FRMPD1: variants seen among roughly 807,000 people sequenced by gnomAD.
FRMPD1 encodes FERM and PDZ domain containing 1.
In FRMPD1, 76 loss-of-function variants were observed where a neutral mutation model predicts 117.8. That is an observed-to-expected ratio of 0.65 (90% confidence interval 0.54 to 0.78). The LOEUF (loss-of-function observed/expected upper bound fraction) is 0.78, where lower values mean the gene tolerates loss of function less well. Ranked by LOEUF, FRMPD1 falls within the 30% of genes least tolerant of loss-of-function variation. The probability of loss-of-function intolerance (pLI) is 0.00; values close to 1 mark genes in which losing one functional copy is unlikely to be tolerated. For missense variants in FRMPD1, 1,786 were observed against 1,964.5 expected (o/e 0.91, Z 1.72); for synonymous variants, 783 against 770.4 (o/e 1.02, Z -0.27).
intron 2 of FRMPD1, among the ~76,000 whole-genome samples, chr9:37,700,511 C>T (rs1323295520): frequency 6.6e-6 from 1 of 152,214 alleles, no homozygotes; most frequent in African/African-American, 2.4e-5. Flanking sequence ...CCACATCCTG[C>T]TGGAACTCGG....
At chr9:37,612,925 G>T in the FRMPD1 span, among the ~76,000 whole-genome samples, 1 of 152,200 alleles carries the variant, frequency 6.6e-6, no homozygotes, top group South Asian at 2.1e-4. Flanking sequence ...TGTCCTTCAT[G>T]GGTCCAGAGG....
rs80324956 is a variant in FRMPD1, at chr9:37,682,581, C to G, written c.-4-10057C>G. Among the ~76,000 whole-genome samples, 1,381 of 152,334 alleles carry G rather than the reference C, an allele frequency of 9.1e-3. 21 individuals are homozygous for G. Among genetic ancestry groups the G allele is most frequent in the African/African-American group, 0.031 (1,275 of 41,566 alleles). ...GGAAGGAAACCAGGTCTCCTAATAT[C>G]TAGTTCAGTGCTCTTTTCAGCATTC... On this transcript the variant is annotated intron_variant, in intron 1 of 15. Coordinates refer to ENST00000377765, the MANE Select transcript of FRMPD1 (RefSeq NM_014907.3).
chr9:37,724,174 CA>C, intron 6 of FRMPD1, 50 bp from the exon 7 acceptor site: 1 of 941,898 alleles, frequency 1.1e-6, no homozygotes. Flanking sequence ...ACCCTGTCTC[CA>C]GAAGGAATAA....
intron 4 of FRMPD1, 123 bp from the exon 5 acceptor site, chr9:37,711,227 T>G (rs1822897499): frequency 1.4e-6 from 1 of 691,158 alleles, no homozygotes; most frequent in East Asian, 2.6e-5. Context: ...CAAAGGAGGC[T>G]GCTTTATACT....
rs1824576175 is a variant in FRMPD1 at position 37,744,398 on chromosome 9, A to G, written c.2366A>G (p.Asp789Gly). 1.3e-6 allele frequency: 2 copies of G among 1,589,466 alleles called. No individual in the cohort carries two copies. Among genetic ancestry groups the G allele is most frequent in the Non-Finnish European group, 1.7e-6 (2 of 1,167,800 alleles). ...CTTTCCTGACTCCCAGGGCCCAGAG[A>G]TGTTTCTACTGCAGAACCCAGTGCC... Reference protein sequence around the residue: ...TPPGPPSGPRDVSTAEPSATS... With the variant: ...TPPGPPSGPRGVSTAEPSATS... The change falls in exon 16 of 16, where the codon GAT becomes GGT. Residue 789 changes from aspartate (D) to glycine (G), a missense_variant. Physicochemically the swap from Asp to Gly is moderately conservative, Grantham distance 94. Coordinates refer to ENST00000377765, the MANE Select transcript of FRMPD1 (RefSeq NM_014907.3).
intron 6 of FRMPD1, 141 bp downstream of exon 6, chr9:37,719,317 C>A: frequency 1.6e-6 from 1 of 635,956 alleles, no homozygotes; most frequent in Non-Finnish European, 2.9e-6. Flanking sequence ...GTGCGCCCTC[C>A]CAGTCAGATG....
At position 37,729,701 on chromosome 9, in the gene FRMPD1, A is replaced by G. The variant is rs1396796704; in HGVS notation, c.613-27A>G. 6.8e-6 allele frequency: 11 copies of G among 1,610,810 alleles called. No individual in the cohort carries two copies. The East Asian group carries it at 2.5e-4, about 36-fold the overall frequency. On this transcript the variant is annotated intron_variant, in intron 7 of 15. Transcript: ENST00000377765. Reference sequence around the variant, plus strand: ...GGAAGTCCTTCCTGTTTCTTGCGTAACTCCTGCACCTCTCTGTGCCTGCTA... The same window carrying G: ...GGAAGTCCTTCCTGTTTCTTGCGTAGCTCCTGCACCTCTCTGTGCCTGCTA...
intron 7 of FRMPD1, among the ~76,000 whole-genome samples, chr9:37,727,735 GCTC>G (rs72316396): frequency 0.18 from 27,272 of 148,594 alleles, 3,201 homozygotes; most frequent in Non-Finnish European, 0.26. Context: ...TGGAGAGAGG[GCTC>G]CGAATCAGGA....
In FRMPD1 at chr9:37,733,497, T is replaced by C. The variant is rs1258626863; in HGVS notation, c.1020T>C (p.Phe340=). Residue 340 remains phenylalanine, a synonymous_variant, in exon 11 of 16, where the codon TTT becomes TTC. Coordinates refer to ENST00000377765, the MANE Select transcript of FRMPD1 (RefSeq NM_014907.3). The part of the protein sequence containing the change: ...YIEKDWGIEN[F]ISPTLLRNMK... ...GGAAAGACTGGGGAATAGAGAACTT[T>C]ATATCTCCAACTTTACTCCGAAACA... 1.2e-6 allele frequency: 2 copies of C among 1,613,872 alleles called. No homozygotes were observed. Among genetic ancestry groups the C allele is most frequent in the Admixed American group, 1.7e-5 (1 of 59,998 alleles).
At chr9:37,641,701 G>A in the FRMPD1 span, among the ~76,000 whole-genome samples, 1,762 of 152,272 alleles carry the variant, frequency 0.012, 34 homozygotes, top group African/African-American at 0.04. Flanking sequence ...CCGAAGATAG[G>A]AGAGGAACCT....
chr9:37,710,974 A>T (rs1280573044), intron 4 of FRMPD1, among the ~76,000 whole-genome samples: 2 of 152,028 alleles, frequency 1.3e-5, no homozygotes, highest in East Asian at 3.9e-4. Context: ...AAAAAAAAAA[A>T]AAAAAATTGG....
chr9:37,642,860 G>A, the FRMPD1 span, among the ~76,000 whole-genome samples: 2 of 151,976 alleles, frequency 1.3e-5, no homozygotes, highest in Admixed American at 6.6e-5. Flanking sequence ...TTCTGCACAG[G>A]GGAAAGTCTT....
At chr9:37,732,862 A>G (rs981469922) in intron 10 of FRMPD1, among the ~76,000 whole-genome samples, 5 of 152,202 alleles carry the variant, frequency 3.3e-5, no homozygotes, top group African/African-American at 1.2e-4. Context: ...TTCTTAGCTT[A>G]GAATTGTTCT....
chr9:37,731,516 G>A (rs1823878432), intron 9 of FRMPD1, among the ~76,000 whole-genome samples: 1 of 152,112 alleles, frequency 6.6e-6, no homozygotes, highest in Admixed American at 6.6e-5. Context: ...CCGTGGCCTG[G>A]TGCTCCCCCT....
the FRMPD1 span, chr9:37,636,575 C>G: frequency 2.6e-6 from 2 of 777,986 alleles, no homozygotes; most frequent in South Asian, 3.9e-5. Context: ...CCCAGGACAC[C>G]CCAAAGCCAC....
At chr9:37,725,128 G>A (rs1285718701) in intron 7 of FRMPD1, among the ~76,000 whole-genome samples, 1 of 152,236 alleles carries the variant, frequency 6.6e-6, no homozygotes, top group Non-Finnish European at 1.5e-5. Context: ...CAGCAGGACT[G>A]GGGCACAGGC....
the FRMPD1 span, among the ~76,000 whole-genome samples, chr9:37,642,982 TA>T: frequency 6.6e-6 from 1 of 152,246 alleles, no homozygotes; most frequent in Non-Finnish European, 1.5e-5. Context: ...TTGATTTATC[TA>T]AAGTATTTTT....
At chr9:37,646,658 G>C (rs756725324), upstream of FRMPD1, among the ~76,000 whole-genome samples, 20 of 152,138 alleles carry the variant, frequency 1.3e-4, no homozygotes, top group Non-Finnish European at 2.5e-4. Flanking sequence ...ACAGGGTCGA[G>C]GTTTTTTTAA....
At chr9:37,680,764 C>A (rs1286338411) in intron 1 of FRMPD1, among the ~76,000 whole-genome samples, 1 of 152,100 alleles carries the variant, frequency 6.6e-6, no homozygotes, top group Non-Finnish European at 1.5e-5. Flanking sequence ...TTCTCTGGTC[C>A]ATGATAAACC....
Sources: gnomAD v4.1 joint callset for allele counts (sites outside exome capture counted in the v4.1 genomes callset) on GRCh38, gnomAD v4.1.1 for gene constraint, MANE v1.5 for transcripts, NCBI Gene and HGNC (gene_info 2026-07-23, HGNC 2026-07-21) for gene names.